The following RAB3GAP1 variants were observed in gnomAD, a reference collection of about 807,000 sequenced individuals.
RAB3GAP1 encodes the protein rab3 GTPase-activating protein catalytic subunit.
In RAB3GAP1, 86 loss-of-function variants were observed where a neutral mutation model predicts 130.7. The observed-to-expected ratio is 0.66, with a 90% confidence interval of 0.55 to 0.79. The LOEUF (loss-of-function observed/expected upper bound fraction) is 0.79. Ranked by LOEUF, RAB3GAP1 falls within the 30% of genes least tolerant of loss-of-function variation. The pLI, the probability that RAB3GAP1 is intolerant of heterozygous loss-of-function variation, is 0.00. For synonymous variants in RAB3GAP1, 367 were observed against 401.7 expected, an observed-to-expected ratio of 0.91 and a Z score of 1.03; for missense variants, 1,029 against 1,169.4, an observed-to-expected ratio of 0.88 and a Z score of 1.75.
intron 16 of RAB3GAP1, 86 bp downstream of exon 16, chr2:135,135,405 T>G: frequency 6.9e-7 from 1 of 1,447,044 alleles, no homozygotes. Flanking sequence ...GGTTACATGC[T>G]GTTCTCATGG....
chr2:135,112,674 G>T (rs1323608083), intron 5 of RAB3GAP1, among the ~76,000 whole-genome samples: 1 of 152,156 alleles, frequency 6.6e-6, no homozygotes, highest in African/African-American at 2.4e-5. Flanking sequence ...ATCAGCTGTT[G>T]ACCTTTTTTT....
chr2:135,078,531 A>G (rs1012633352), intron 3 of RAB3GAP1, among the ~76,000 whole-genome samples: 10 of 152,028 alleles, frequency 6.6e-5, no homozygotes, highest in Non-Finnish European at 1.2e-4. Flanking sequence ...AATTCTGAAT[A>G]ATGTTTATTC....
intron 19 of RAB3GAP1, among the ~76,000 whole-genome samples, chr2:135,157,400 G>A (rs1692340287): frequency 6.6e-6 from 1 of 152,216 alleles, no homozygotes; most frequent in Non-Finnish European, 1.5e-5. Context: ...CATTAATCCA[G>A]CTGTATTTTA....
intron 9 of RAB3GAP1, among the ~76,000 whole-genome samples, chr2:135,124,571 A>T (rs1293453779): frequency 6.6e-6 from 1 of 152,220 alleles, no homozygotes; most frequent in Non-Finnish European, 1.5e-5. Flanking sequence ...AGGTTAAGGC[A>T]CAAGAATCAC....
chr2:135,160,355 G>T (rs1692430424), intron 19 of RAB3GAP1, among the ~76,000 whole-genome samples: 1 of 152,092 alleles, frequency 6.6e-6, no homozygotes, highest in Non-Finnish European at 1.5e-5. Context: ...GACTTGTAGT[G>T]GTTGAGGGAA....
intron 17 of RAB3GAP1, among the ~76,000 whole-genome samples, chr2:135,147,794 G>A (rs1692045813): frequency 1.3e-5 from 2 of 151,950 alleles, no homozygotes; most frequent in Admixed American, 1.3e-4. Context: ...TTAATTTTTT[G>A]TAGAGACAGG....
chr2:135,124,226 T>C lies in RAB3GAP1; in HGVS notation c.810T>C (p.Gly270=). ...GGLEFGKLPF[G]ACEDPISELH... ...TGGAGTTTGGCAAGTTACCATTTGG[T>C]GCCTGCGAAGATCCTATTAGGTGAG... is the stretch of plus-strand genomic sequence containing the variant. The change falls in exon 9 of 24, where the codon GGT becomes GGC. Residue 270 remains glycine, a synonymous_variant. Transcript: ENST00000264158. 1 of 1,614,156 alleles carries C rather than the reference T, an allele frequency of 6.2e-7. No individual in the cohort carries two copies. Among genetic ancestry groups the C allele is most frequent in the Non-Finnish European group, 8.5e-7 (1 of 1,179,964 alleles).
In RAB3GAP1 at chr2:135,135,745, G is replaced by A. The variant is rs753841679; in HGVS notation, c.1736G>A (p.Ser579Asn). 12 of 1,613,940 alleles carry A rather than the reference G, an allele frequency of 7.4e-6. No homozygotes were observed. In the African/African-American group the frequency reaches 1.6e-4, roughly 22 times the overall value. Residue 579 changes from serine (S) to asparagine (N), a missense_variant, in exon 17 of 24, where the codon AGT (serine) becomes AAT (asparagine). Around this residue, in one of 3 missense-constraint regions of RAB3GAP1, gnomAD observed 373 missense variants for 493.6 expected, o/e 0.76. Coordinates refer to ENST00000264158, the MANE Select transcript of RAB3GAP1 (RefSeq NM_012233.3). The part of the protein sequence containing the change: ...GEVGKSWDSW[S>N]DSEEEFFECL... ...GTAGGAAAATCTTGGGATTCCTGGA[G>A]TGACAGCGAAGAAGAATTTTTTGAA...
downstream of RAB3GAP1, among the ~76,000 whole-genome samples, chr2:135,171,801 C>G (rs1464335091): frequency 2.0e-5 from 3 of 152,036 alleles, no homozygotes; most frequent in Non-Finnish European, 4.4e-5. Flanking sequence ...AGTCTGTCTT[C>G]TAGGAGGTTT....
intron 3 of RAB3GAP1, chr2:135,089,585 G>C (rs1030326880): frequency 6.5e-6 from 1 of 154,176 alleles, no homozygotes; most frequent in Non-Finnish European, 1.4e-5. Flanking sequence ...CCATTACTGG[G>C]TATATACCCA....
intron 23 of RAB3GAP1, chr2:135,167,863 A>G (rs1692703573): frequency 5.1e-6 from 3 of 592,552 alleles, no homozygotes; most frequent in Non-Finnish European, 8.0e-6. Context: ...TCATGTTTCC[A>G]TTGCCAAAAC....
intron 5 of RAB3GAP1, among the ~76,000 whole-genome samples, chr2:135,111,769 T>G (rs1477205246): frequency 6.6e-6 from 1 of 152,202 alleles, no homozygotes; most frequent in Non-Finnish European, 1.5e-5. Context: ...ATTGTTTCTT[T>G]TTTTTCTTTC....
intron 3 of RAB3GAP1, among the ~76,000 whole-genome samples, chr2:135,090,326 T>C (rs1690108193): frequency 6.6e-6 from 1 of 152,212 alleles, no homozygotes; most frequent in Non-Finnish European, 1.5e-5. Flanking sequence ...TTATATATTT[T>C]CAATCTAGTT....
At chr2:135,152,953 C>G (rs935529543) in intron 18 of RAB3GAP1, 12 of 152,514 alleles carry the variant, frequency 7.9e-5, no homozygotes, top group African/African-American at 2.7e-4. Context: ...TTCTATAGAA[C>G]TATCCACTGA....
intron 11 of RAB3GAP1, among the ~76,000 whole-genome samples, chr2:135,127,748 C>T (rs960677825): frequency 1.3e-5 from 2 of 152,166 alleles, no homozygotes; most frequent in Non-Finnish European, 2.9e-5. Flanking sequence ...TAATCTTATA[C>T]ACCTCACAAG....
intron 3 of RAB3GAP1, chr2:135,089,951 A>G (rs775050121): frequency 4.3e-6 from 1 of 230,690 alleles, no homozygotes; most frequent in Non-Finnish European, 9.2e-6. Flanking sequence ...GGGGAGGGCT[A>G]GGGGAGGGAT....
At chr2:135,054,437 T>C (rs975284957) in intron 2 of RAB3GAP1, among the ~76,000 whole-genome samples, 4 of 152,216 alleles carry the variant, frequency 2.6e-5, no homozygotes, top group Non-Finnish European at 5.9e-5. Flanking sequence ...ATTTGTGGAC[T>C]GGAATACAAA....
intron 19 of RAB3GAP1, among the ~76,000 whole-genome samples, chr2:135,158,867 T>G (rs1276284461): frequency 1.3e-5 from 2 of 152,206 alleles, no homozygotes; most frequent in African/African-American, 4.8e-5. Context: ...TAACATGCCA[T>G]TTGGTTCAGG....
At chr2:135,112,463 A>C (rs560284151) in intron 5 of RAB3GAP1, among the ~76,000 whole-genome samples, 2 of 152,198 alleles carry the variant, frequency 1.3e-5, no homozygotes, top group African/African-American at 4.8e-5. Context: ...CAATGAAGGC[A>C]AGGTCACGGC....
Sources: gnomAD v4.1 joint callset for allele counts (sites outside exome capture counted in the v4.1 genomes callset) on GRCh38, gnomAD v4.1.1 for gene constraint, gnomAD v4.1.1 regional missense constraint, MANE v1.5 for transcripts, NCBI Gene and HGNC (gene_info 2026-07-23, HGNC 2026-07-21) for gene names.